Variants in TM2D3 observed in about 807,000 individuals in gnomAD.
TM2D3 encodes the protein TM2 domain-containing protein 3.
In TM2D3, 33 loss-of-function variants were observed where a neutral mutation model predicts 27.3. The ratio of observed to expected loss-of-function variants is 1.21; its 90% CI spans 0.92 to 1.61. The LOEUF is 1.61. Among genes scored for constraint, TM2D3 ranks in the 40% most tolerant of loss-of-function variants. TM2D3 has a pLI of 0.00. For missense variants in TM2D3, 364 were observed against 320.8 expected (o/e 1.13, Z -1.03); for synonymous variants, 138 against 122.2 (o/e 1.13, Z -0.85).
intron 2 of TM2D3, chr15:101,650,697 C>T (rs1896945580): frequency 1.3e-5 from 2 of 152,142 alleles, no homozygotes; most frequent in East Asian, 1.9e-4. Flanking sequence ...GCCACATTTG[C>T]TAATATAATA....
downstream of TM2D3, among the ~76,000 whole-genome samples, chr15:101,639,100 T>C (rs914379534): frequency 2.0e-5 from 3 of 152,212 alleles, no homozygotes; most frequent in East Asian, 5.8e-4. Context: ...ACAATTTCAA[T>C]ACATTTAAAA....
chr15:101,639,273 G>A (rs74540326), downstream of TM2D3, among the ~76,000 whole-genome samples: 1,193 of 152,218 alleles, frequency 7.8e-3, 16 homozygotes, highest in African/African-American at 0.026. Context: ...TAAAAAATGT[G>A]TCTACCCCCT....
chr15:101,642,545 C>T lies in TM2D3; in HGVS notation c.678G>A (p.Thr226=), dbSNP rs139292492. 384 of 1,613,394 alleles carry T rather than the reference C, an allele frequency of 2.4e-4. No individual in the cohort carries two copies. Among genetic ancestry groups the T allele is most frequent in the Non-Finnish European group, 2.7e-4 (315 of 1,179,884 alleles). ...CTCCAATGAGCAGGACGTCTATCAG[C>T]GTCCATATTCCCAGGCCACCGAAGC... ...LFSFGGLGIW[T]LIDVLLIGVG... Residue 226 remains threonine (T), a synonymous_variant, in exon 6 of 6, where the codon ACG becomes ACA. Coordinates refer to ENST00000333202, the MANE Select transcript of TM2D3 (RefSeq NM_078474.3).
downstream of TM2D3, chr15:101,636,875 G>A (rs957884399): frequency 2.4e-5 from 10 of 423,182 alleles, no homozygotes; most frequent in South Asian, 5.0e-5. Context: ...ACAGTGTCTC[G>A]CTCTGTGGCT....
intron 3 of TM2D3, among the ~76,000 whole-genome samples, chr15:101,649,568 A>G (rs934820670): frequency 6.6e-6 from 1 of 152,222 alleles, no homozygotes; most frequent in Non-Finnish European, 1.5e-5. Flanking sequence ...TCCGGCATTT[A>G]CTGAATCCAT....
chr15:101,634,979 T>C (rs1009264619), intron 4 of TM2D3: 1 of 152,116 alleles, frequency 6.6e-6, no homozygotes, highest in South Asian at 2.1e-4. Context: ...GGCAACATAG[T>C]GGGACCCTAC....
intron 4 of TM2D3, chr15:101,646,418 C>A: frequency 2.9e-6 from 1 of 340,636 alleles, no homozygotes; most frequent in Non-Finnish European, 5.4e-6. Flanking sequence ...CTCAGGCACT[C>A]AGGCGGCCGC....
downstream of TM2D3, among the ~76,000 whole-genome samples, chr15:101,640,766 T>C (rs1458212416): frequency 6.6e-6 from 1 of 152,268 alleles, no homozygotes; most frequent in Admixed American, 6.5e-5. Flanking sequence ...GAAGCATTCC[T>C]GACTGGCTTA....
intron 4 of TM2D3, chr15:101,636,193 C>CT (rs752677300): frequency 1.3e-5 from 2 of 152,074 alleles, no homozygotes; most frequent in Non-Finnish European, 2.9e-5. Context: ...GTTGTTTCCA[C>CT]TTTTTTACTA....
chr15:101,645,179 A>G lies in TM2D3; in HGVS notation c.503-17T>C, dbSNP rs774066365. 3.8e-6 allele frequency: 6 copies of G among 1,568,052 alleles called. No individual in the cohort carries two copies. Among genetic ancestry groups the G allele is most frequent in the Non-Finnish European group, 5.2e-6 (6 of 1,150,886 alleles). On this transcript the variant is annotated splice_polypyrimidine_tract_variant and intron_variant, in intron 4 of 5. Coordinates refer to ENST00000333202, the MANE Select transcript of TM2D3 (RefSeq NM_078474.3). ...TACGGTTACCTTAAAAAAAAAAAAGAAAGAAAAATACAGGGTATAAAAAAT... is the reference window on the plus strand; with the variant it reads ...TACGGTTACCTTAAAAAAAAAAAAGGAAGAAAAATACAGGGTATAAAAAAT...
In TM2D3 at chr15:101,646,798, G is replaced by A. The variant is rs761795367; in HGVS notation, c.429C>T (p.Ser143=). The change falls in exon 4 of 6, where the codon AGC becomes AGT. Residue 143 remains serine (S), a synonymous_variant. Coordinates refer to ENST00000333202, the MANE Select transcript of TM2D3 (RefSeq NM_078474.3). ...ETDYECTNST[S]CMTVSCPRQR... is the part of the protein sequence containing the mutation. ...GCCGAGGACAGGACACCGTCATGCA[G>A]CTGGTGGAGTTGGTACACTCGTAAT... 3 of 1,614,218 alleles carry A rather than the reference G, an allele frequency of 1.9e-6. No homozygotes were observed. The African/African-American group carries it at 4.0e-5, about 22-fold the overall frequency.
chr15:101,645,093 G>A lies in TM2D3; in HGVS notation c.572C>T (p.Ala191Val). Reference protein sequence around the residue: ...TGGYKWSTALALSITLGGFGA... With the variant: ...TGGYKWSTALVLSITLGGFGA... ...TACGAGTAACAAGGCTTACCTTAGA[G>A]CCAGAGCCGTAGACCACTTATAGCC... is the stretch of plus-strand genomic sequence containing the variant. The change falls in exon 5 of 6, where the codon GCT (alanine) becomes GTT (valine). Residue 191 changes from alanine to valine, a missense_variant. Coordinates refer to ENST00000333202, the MANE Select transcript of TM2D3 (RefSeq NM_078474.3). The A allele has an allele frequency of 6.2e-7, 1 of 1,613,174 alleles. No homozygotes were observed. The highest frequency in any genetic ancestry group is 1.7e-5 in the Admixed American group (1 of 59,946).
At chr15:101,651,663 CATGT>C (rs1896972710) in intron 2 of TM2D3, 29 bp downstream of exon 2, 3 of 1,592,662 alleles carry the variant, frequency 1.9e-6, no homozygotes, top group African/African-American at 2.7e-5. Context: ...GAGATAACTA[CATGT>C]ATTTACTAGA....
intron 1 of TM2D3, 86 bp from the exon 2 acceptor site, chr15:101,651,859 C>T: frequency 7.2e-7 from 1 of 1,386,018 alleles, no homozygotes; most frequent in Non-Finnish European, 1.0e-6. Context: ...GGCGGGTCTA[C>T]ACCAGGCCAA....
downstream of TM2D3, among the ~76,000 whole-genome samples, chr15:101,641,154 C>T (rs1028492156): frequency 1.3e-5 from 2 of 152,208 alleles, no homozygotes; most frequent in African/African-American, 4.8e-5. Context: ...GAAACACCTG[C>T]TCAATCAACA....
Position 101,650,016 on chromosome 15 carries a change from A to G in TM2D3, c.315T>C (p.Ser105=). Residue 105 remains serine (S), a synonymous_variant, in exon 3 of 6, where the codon TCT becomes TCC. Coordinates refer to ENST00000333202, the MANE Select transcript of TM2D3 (RefSeq NM_078474.3). ...PVTFDCAVKP[S]VTCVDQDFKS... is the part of the protein sequence containing the mutation. ...CTGCAGTACTTACAACACAGGTAAC[A>G]GATGGTTTCACTGCACAGTCAAAAG... is the stretch of plus-strand genomic sequence containing the variant. 6.2e-7 allele frequency: 1 copy of G among 1,613,972 alleles called. No homozygotes were observed. The highest frequency in any genetic ancestry group is 8.5e-7 in the Non-Finnish European group (1 of 1,179,930).
At chr15:101,648,268 T>C (rs1290899757) in intron 3 of TM2D3, 1 of 152,214 alleles carries the variant, frequency 6.6e-6, no homozygotes, top group Non-Finnish European at 1.5e-5. Context: ...CCTAATTCTC[T>C]CTGTATGGTT....
At chr15:101,637,685 C>A (rs575946364), downstream of TM2D3, among the ~76,000 whole-genome samples, 2 of 152,106 alleles carry the variant, frequency 1.3e-5, no homozygotes, top group Admixed American at 1.3e-4. Flanking sequence ...GCTCAAAGAT[C>A]GCTCCCACCT....
chr15:101,652,083 A>C, intron 1 of TM2D3, 188 bp downstream of exon 1: 2 of 575,260 alleles, frequency 3.5e-6, no homozygotes, highest in Non-Finnish European at 2.9e-6. Context: ...GTGTCGCCGG[A>C]GCGGAGGGGC....
Sources: gnomAD v4.1 joint callset for allele counts (sites outside exome capture counted in the v4.1 genomes callset) on GRCh38, gnomAD v4.1.1 for gene constraint, MANE v1.5 for transcripts, NCBI Gene and HGNC (gene_info 2026-07-23, HGNC 2026-07-21) for gene names.